The following THBS4 variants were observed in gnomAD, a reference collection of about 807,000 sequenced individuals.
THBS4 encodes thrombospondin-4.
A neutral mutation model predicts 115.7 loss-of-function variants in THBS4; 90 were observed. The ratio of observed to expected loss-of-function variants is 0.78; its 90% CI spans 0.66 to 0.93. The LOEUF is 0.93. THBS4 is among the 40% of genes least tolerant of loss of function. The pLI, the probability that THBS4 is intolerant of heterozygous loss-of-function variation, is 0.00. For synonymous variants in THBS4, 460 were observed against 479.3 expected (o/e 0.96, Z 0.53); for missense variants, 1,087 against 1,232.7 (o/e 0.88, Z 1.77).
upstream of THBS4, among the ~76,000 whole-genome samples, chr5:80,032,655 G>A (rs1832607616): frequency 6.6e-6 from 1 of 152,214 alleles, no homozygotes; most frequent in African/African-American, 2.4e-5. Flanking sequence ...AGAACTTGGA[G>A]TCTAATGTTT....
intron 7 of THBS4, among the ~76,000 whole-genome samples, chr5:80,060,423 T>C (rs1397212106): frequency 1.3e-5 from 2 of 152,108 alleles, no homozygotes; most frequent in Non-Finnish European, 2.9e-5. Context: ...AAATACCAGC[T>C]ATTTGACCGG....
At chr5:80,065,361 T>C (rs751152879) in intron 8 of THBS4, 48 bp from the exon 9 acceptor site, 26 of 1,519,008 alleles carry the variant, frequency 1.7e-5, no homozygotes, top group Non-Finnish European at 1.7e-5. Context: ...TGCATTTCTA[T>C]TTAAGCAGCA....
At chr5:80,065,111 A>C (rs1335318109) in intron 8 of THBS4, among the ~76,000 whole-genome samples, 1 of 152,166 alleles carries the variant, frequency 6.6e-6, no homozygotes, top group African/African-American at 2.4e-5. Context: ...TTCCCAAGCA[A>C]GATTAAAAAA....
chr5:79,995,582 G>T (rs186724118), intron 1 of THBS4, among the ~76,000 whole-genome samples: 1 of 152,286 alleles, frequency 6.6e-6, no homozygotes, highest in East Asian at 1.9e-4. Flanking sequence ...GCTATTATGA[G>T]TAAAAGTCTG....
At chr5:80,043,069 A>G (rs1329895223) in intron 2 of THBS4, among the ~76,000 whole-genome samples, 2 of 152,316 alleles carry the variant, frequency 1.3e-5, no homozygotes, top group African/African-American at 4.8e-5. Context: ...GGAAAGATAA[A>G]TTGTTCTTAG....
intron 2 of THBS4, among the ~76,000 whole-genome samples, chr5:80,053,843 T>C (rs1004161426): frequency 6.6e-6 from 1 of 152,180 alleles, no homozygotes; most frequent in Non-Finnish European, 1.5e-5. Flanking sequence ...GGTTTGGGAA[T>C]GGTACCTGTG....
chr5:80,061,962 T>C (rs1467200614), intron 8 of THBS4, 130 bp downstream of exon 8: 1 of 1,046,710 alleles, frequency 9.6e-7, no homozygotes, highest in Non-Finnish European at 1.3e-6. Flanking sequence ...TGGTGCAAAA[T>C]GAGCAAATTA....
In THBS4 at chr5:80,083,100, C is replaced by T; in HGVS notation, c.2845C>T (p.Gln949Ter). ...TGCAGACACCATCCCTGAGGACTTC[C>T]AAGAGTTTCAAACCCAGAATTTCGA... Reference protein sequence around the residue: ...RCNDTIPEDFQEFQTQNFDRF... With the variant: ...RCNDTIPEDF The change falls in exon 22 of 22, where the codon CAA (glutamine) becomes TAA (stop). Residue 949 changes from glutamine (Q) to a stop codon, truncating the protein, a stop_gained. Coordinates refer to ENST00000350881, the MANE Select transcript of THBS4 (RefSeq NM_003248.6). LOFTEE classifies it high-confidence loss of function. 6.2e-7 allele frequency: 1 copy of T among 1,613,990 alleles called. No homozygotes were observed. Among genetic ancestry groups the T allele is most frequent in the Non-Finnish European group, 8.5e-7 (1 of 1,179,866 alleles).
intron 2 of THBS4, among the ~76,000 whole-genome samples, chr5:80,003,903 T>C (rs1218655238): frequency 1.3e-5 from 2 of 152,236 alleles, no homozygotes; most frequent in African/African-American, 4.8e-5. Context: ...TTAAACATTT[T>C]TCTACAAGTC....
intron 2 of THBS4, among the ~76,000 whole-genome samples, chr5:80,022,953 TC>T (rs986765738): frequency 1.8e-4 from 28 of 152,150 alleles, no homozygotes; most frequent in African/African-American, 6.3e-4. Context: ...TACTCAAGCC[TC>T]CCCTTAAGAT....
Position 80,080,153 on chromosome 5 carries a change from T to G in THBS4, c.2684+76T>G, listed in dbSNP as rs1003585484. ...CGTTCTGCATCCCAGAGCCTTCATT[T>G]CCCTGAGCAATTCTGACCTAGGATA... On this transcript the variant is annotated intron_variant, in intron 20 of 21. Coordinates refer to ENST00000350881, the MANE Select transcript of THBS4 (RefSeq NM_003248.6). The G allele has an allele frequency of 3.5e-5, 53 of 1,494,254 alleles. No homozygotes were observed. The African/African-American group carries it at 6.3e-4, about 18-fold the overall frequency. 92.6% of individuals were successfully genotyped at this position (1,494,254 alleles called of 1,614,324 possible). A position where few individuals can be genotyped will look rare whatever the true frequency, so the allele number is the denominator to read the frequency against.
At chr5:80,026,477 C>T (rs953582164) in intron 2 of THBS4, among the ~76,000 whole-genome samples, 4 of 152,166 alleles carry the variant, frequency 2.6e-5, no homozygotes, top group Non-Finnish European at 4.4e-5. Flanking sequence ...TGATCTAGAA[C>T]AGGGGTCAGT....
intron 19 of THBS4, 52 bp from the exon 20 acceptor site, chr5:80,079,853 G>T: frequency 6.4e-7 from 1 of 1,570,684 alleles, no homozygotes; most frequent in Non-Finnish European, 8.7e-7. Context: ...CAGGAAGCAG[G>T]AAGGGTGGTG....
rs1447483664 is a variant in THBS4, at chr5:80,026,714, A to G, written n.178-13363A>G. Among the ~76,000 whole-genome samples the G allele has an allele frequency of 2.0e-5, 3 of 152,234 alleles. No individual in the cohort carries two copies. In the East Asian group the frequency reaches 5.8e-4, roughly 29 times the overall value. On this transcript the variant is annotated intron_variant and non_coding_transcript_variant, in intron 2 of 3. Coordinates refer to the THBS4 transcript ENST00000510218. ...AAACTATAAAAATTATTCTTAGCTC[A>G]CTGATCCTATAAAAACAAGCAGTGG...
chr5:80,071,327 G>C, intron 13 of THBS4, 147 bp downstream of exon 13: 1 of 1,383,328 alleles, frequency 7.2e-7, no homozygotes, highest in Non-Finnish European at 9.5e-7. Flanking sequence ...ACCCAAGGTG[G>C]ACTTGTGTCT....
chr5:80,058,972 GTGA>G (rs148790796), intron 5 of THBS4, among the ~76,000 whole-genome samples, 182 bp downstream of exon 5: 3,000 of 152,228 alleles, frequency 0.02, 110 homozygotes, highest in African/African-American at 0.066. Context: ...GTCCAAGCTC[GTGA>G]TGAACACACC....
rs187252218 is a variant in THBS4, at chr5:80,028,197, C to T, written n.178-11880C>T. Among the ~76,000 whole-genome samples, 164 of 152,104 alleles carry T rather than the reference C, an allele frequency of 1.1e-3. 1 individual carries two copies. Among genetic ancestry groups the T allele is most frequent in the Non-Finnish European group, 2.4e-4 (16 of 67,992 alleles). On this transcript the variant is annotated intron_variant and non_coding_transcript_variant, in intron 2 of 3. Transcript: ENST00000510218. The stretch of plus-strand genomic sequence containing the variant: ...AGACATCCCCACCCCACCCCACCTC[C>T]GCCACTGTCTCTAAAAACCCACCAA...
chr5:80,006,439 C>T (rs2151152385), intron 2 of THBS4, among the ~76,000 whole-genome samples: 1 of 152,318 alleles, frequency 6.6e-6, no homozygotes, highest in East Asian at 1.9e-4. Flanking sequence ...GAGACTTGCT[C>T]CTTTTTGCCT....
Position 80,079,226 on chromosome 5 carries a change from C to A in THBS4, c.2479C>A (p.Arg827=), listed in dbSNP as rs767609886. ...EQTYWQATPF[R]AVAEPGIQLK... Reference sequence around the variant, plus strand: ...GACATATTGGCAAGCCACCCCATTCCGAGCAGTTGCAGAACCTGGCATTCA... The same window carrying A: ...GACATATTGGCAAGCCACCCCATTCAGAGCAGTTGCAGAACCTGGCATTCA... Residue 827 remains arginine (R), a synonymous_variant, in exon 19 of 22, where the codon CGA becomes AGA. Transcript: ENST00000350881. The A allele has an allele frequency of 6.2e-7, 1 of 1,613,238 alleles. No homozygotes were observed. Among genetic ancestry groups the A allele is most frequent in the Admixed American group, 1.7e-5 (1 of 59,968 alleles).
Sources: allele counts gnomAD v4.1 joint callset (sites outside exome capture counted in the v4.1 genomes callset), GRCh38; gene constraint gnomAD v4.1.1; transcripts MANE v1.5; gene names NCBI Gene and HGNC (gene_info 2026-07-23, HGNC 2026-07-21).